The following ATF6 variants were observed in gnomAD, a reference collection of about 807,000 sequenced individuals.
The protein encoded by ATF6 is activating transcription factor 6, also known as cyclic AMP-dependent transcription factor ATF-6 alpha.
A neutral mutation model predicts 83.6 loss-of-function variants in ATF6; 53 were observed. The ratio of observed to expected loss-of-function variants is 0.63; its 90% confidence interval spans 0.51 to 0.80. The LOEUF is 0.80. Ranked by LOEUF, ATF6 falls within the 30% of genes least tolerant of loss-of-function variation. The probability of loss-of-function intolerance (pLI) is 0.00; values close to 1 mark genes in which losing one functional copy is unlikely to be tolerated. For synonymous variants in ATF6, 288 were observed against 285.8 expected (o/e 1.01, Z -0.08); for missense variants, 744 against 797.9 (o/e 0.93, Z 0.81).
chr1:161,802,195 G>A lies in ATF6; in HGVS notation c.832G>A (p.Ala278Thr). 1 of 1,614,068 alleles carries A rather than the reference G, an allele frequency of 6.2e-7. No individual in the cohort carries two copies. The highest frequency in any genetic ancestry group is 8.5e-7 in the Non-Finnish European group (1 of 1,180,002). ...HVVNVVPAPS[A>T]NSPVNGKLSV... ...GGTGAATGTGGTACCAGCCCCTTCA[G>A]CGAATAGCCCAGTGAATGGAAAACT... is the stretch of plus-strand genomic sequence containing the variant. Residue 278 changes from alanine (A) to threonine (T), a missense_variant, in exon 7 of 16, where the codon GCG becomes ACG. Coordinates refer to ENST00000367942, the MANE Select transcript of ATF6 (RefSeq NM_007348.4).
intron 2 of ATF6, among the ~76,000 whole-genome samples, chr1:161,780,863 C>T (rs1684620964): frequency 6.6e-6 from 1 of 152,076 alleles, no homozygotes; most frequent in Non-Finnish European, 1.5e-5. Flanking sequence ...GTGCACGCCA[C>T]TATGCCCAGC....
At chr1:161,769,430 A>G (rs1359509033) in intron 1 of ATF6, among the ~76,000 whole-genome samples, 2 of 152,164 alleles carry the variant, frequency 1.3e-5, no homozygotes, top group Non-Finnish European at 2.9e-5. Flanking sequence ...CCCATCATTT[A>G]AAGTTCACTC....
chr1:161,862,057 TTATCACTTAACA>T (rs1163987795), intron 13 of ATF6, among the ~76,000 whole-genome samples: 1 of 152,186 alleles, frequency 6.6e-6, no homozygotes. Flanking sequence ...GGTTATATAT[TTATCACTTAACA>T]GAAATATTGT....
At chr1:161,832,959 C>T (rs1204483379) in intron 9 of ATF6, among the ~76,000 whole-genome samples, 1 of 152,236 alleles carries the variant, frequency 6.6e-6, no homozygotes, top group African/African-American at 2.4e-5. Context: ...GCTGCCTCCT[C>T]AAGTGGGTCC....
intron 15 of ATF6, among the ~76,000 whole-genome samples, chr1:161,932,951 A>G (rs1438851090): frequency 2.0e-5 from 3 of 152,220 alleles, no homozygotes; most frequent in African/African-American, 7.2e-5. Flanking sequence ...GAGACAGCAC[A>G]TGACATGGCC....
chr1:161,895,388 C>T (rs1687651566), intron 14 of ATF6, among the ~76,000 whole-genome samples: 1 of 152,198 alleles, frequency 6.6e-6, no homozygotes, highest in Admixed American at 6.5e-5. Flanking sequence ...TTAAAGGATG[C>T]ATATATGTTT....
chr1:161,811,384 T>C (rs1685451130), intron 7 of ATF6, among the ~76,000 whole-genome samples: 1 of 152,194 alleles, frequency 6.6e-6, no homozygotes. Context: ...GACTTTTCTG[T>C]GGCTCTTACC....
chr1:161,904,359 G>T (rs958120260), intron 14 of ATF6, among the ~76,000 whole-genome samples: 4 of 152,212 alleles, frequency 2.6e-5, no homozygotes, highest in Non-Finnish European at 5.9e-5. Flanking sequence ...AGGCTGAAGT[G>T]GGTGGATCAC....
intron 10 of ATF6, among the ~76,000 whole-genome samples, chr1:161,850,738 GTTTACATGTTTTCT>G (rs997812050): frequency 3.3e-5 from 5 of 152,116 alleles, no homozygotes; most frequent in Non-Finnish European, 7.4e-5. Context: ...AGTTTTATAT[GTTTACATGTTTTCT>G]TTTGAGATAT....
intron 9 of ATF6, among the ~76,000 whole-genome samples, chr1:161,833,799 T>C (rs534029176): frequency 2.0e-5 from 3 of 152,242 alleles, no homozygotes; most frequent in Non-Finnish European, 4.4e-5. Context: ...CTGAAAGTGA[T>C]GGGGAGAATG....
At chr1:161,951,703 G>A (rs992901738) in intron 15 of ATF6, among the ~76,000 whole-genome samples, 1 of 152,200 alleles carries the variant, frequency 6.6e-6, no homozygotes, top group Non-Finnish European at 1.5e-5. Context: ...GGTCATAGGA[G>A]AAGACCTGAG....
chr1:161,842,344 C>A (rs1557990204), intron 9 of ATF6, among the ~76,000 whole-genome samples: 1 of 152,146 alleles, frequency 6.6e-6, no homozygotes, highest in Non-Finnish European at 1.5e-5. Flanking sequence ...ACCATTTGAT[C>A]CAGCAATTCC....
At chr1:161,932,422 G>C (rs916329482) in intron 15 of ATF6, among the ~76,000 whole-genome samples, 4 of 151,956 alleles carry the variant, frequency 2.6e-5, no homozygotes, top group Non-Finnish European at 5.9e-5. Flanking sequence ...ATAGCCTTTT[G>C]ATTTTTTGAC....
chr1:161,863,316 A>G lies in ATF6; in HGVS notation c.1719+4A>G. On this transcript the variant is annotated splice_donor_region_variant and intron_variant, in intron 14 of 15. Transcript: ENST00000367942. ...TTATGTTGTGTCATTTCGAAGGGTAAGTTCATCTTGAAAGAATAGAGCAAA... is the reference window on the plus strand; with the variant it reads ...TTATGTTGTGTCATTTCGAAGGGTAGGTTCATCTTGAAAGAATAGAGCAAA... The G allele has an allele frequency of 1.9e-6, 3 of 1,587,926 alleles. No individual in the cohort carries two copies. Among genetic ancestry groups the G allele is most frequent in the Non-Finnish European group, 2.6e-6 (3 of 1,156,294 alleles).
At chr1:161,860,418 A>G (rs1427188509) in intron 13 of ATF6, 141 bp downstream of exon 13, 8 of 240,064 alleles carry the variant, frequency 3.3e-5, no homozygotes, top group Admixed American at 1.2e-4. Context: ...AGATATATAT[A>G]TATATGTATA....
chr1:161,925,440 T>C (rs995852292), intron 15 of ATF6, among the ~76,000 whole-genome samples: 1 of 112,050 alleles, frequency 8.9e-6, no homozygotes, highest in African/African-American at 2.8e-5. Context: ...TGTGTTTTTA[T>C]CCTGATTAGA....
At position 161,838,635 on chromosome 1, in the gene ATF6, A is replaced by G. The variant is rs570879571; in HGVS notation, c.1188-7814A>G. On this transcript the variant is annotated intron_variant, in intron 9 of 15. Coordinates refer to ENST00000367942, the MANE Select transcript of ATF6 (RefSeq NM_007348.4). ...AGCTGCATGGGTTTCCTCACAGTTT[A>G]GTGTCTGGGTTCCAAGAATAAGCAT... is the stretch of plus-strand genomic sequence containing the variant. 8.1e-4 allele frequency among the ~76,000 whole-genome samples: 123 copies of G among 152,262 alleles called. 1 individual carries two copies. The highest frequency in any genetic ancestry group is 1.4e-3 in the Non-Finnish European group (94 of 68,022).
chr1:161,851,692 G>T, intron 10 of ATF6, 30 bp from the exon 11 acceptor site: 1 of 1,526,012 alleles, frequency 6.6e-7, no homozygotes, highest in South Asian at 1.1e-5. Flanking sequence ...TAAGATACAA[G>T]GAAACAAATT....
intron 14 of ATF6, among the ~76,000 whole-genome samples, chr1:161,902,076 C>T (rs1435161919): frequency 1.3e-5 from 2 of 152,094 alleles, no homozygotes; most frequent in Non-Finnish European, 2.9e-5. Context: ...CTCAAAATCC[C>T]AAATTTTATA....
Sources: allele counts gnomAD v4.1 joint callset (sites outside exome capture counted in the v4.1 genomes callset), GRCh38; gene constraint gnomAD v4.1.1; transcripts MANE v1.5; gene names NCBI Gene and HGNC (gene_info 2026-07-23, HGNC 2026-07-21).